PPFIA1: variants seen among roughly 807,000 people sequenced by gnomAD.
PPFIA1 encodes liprin-alpha-1.
Under a neutral mutation model 149.9 loss-of-function variants are expected in PPFIA1, and 25 were observed. The ratio of observed to expected loss-of-function variants is 0.17; its 90% CI spans 0.12 to 0.23. PPFIA1 has a LOEUF of 0.23. Among genes scored for constraint, PPFIA1 ranks in the 10% least tolerant of loss-of-function variants. The pLI is 1.00. For missense variants in PPFIA1, 1,362 were observed against 1,506.5 expected, an observed-to-expected ratio of 0.90 and a Z score of 1.59; for synonymous variants, 549 against 552.8, an observed-to-expected ratio of 0.99 and a Z score of 0.10.
intron 2 of PPFIA1, among the ~76,000 whole-genome samples, chr11:70,305,869 A>G (rs1004938427): frequency 2.0e-5 from 3 of 152,232 alleles, no homozygotes; most frequent in Non-Finnish European, 4.4e-5. Flanking sequence ...TTGAATATCA[A>G]GCTAACTAGT....
At chr11:70,286,105 C>T (rs2051100657) in intron 2 of PPFIA1, among the ~76,000 whole-genome samples, 1 of 152,136 alleles carries the variant, frequency 6.6e-6, no homozygotes, top group African/African-American at 2.4e-5. Context: ...CACTGTGCCT[C>T]GCAGGTGCCT....
At position 70,321,003 on chromosome 11, in the gene PPFIA1, G is replaced by A. The variant is rs116059823; in HGVS notation, c.265-3399G>A. Among the ~76,000 whole-genome samples the A allele has an allele frequency of 1.6e-3, 246 of 152,328 alleles. 1 individual carries two copies. Among genetic ancestry groups the A allele is most frequent in the African/African-American group, 5.7e-3 (236 of 41,570 alleles). ...AGGGCAACAACCACAGAACACTAGT[G>A]CTATGGGCTGAATACTTTTGTGTTC... On this transcript the variant is annotated intron_variant, in intron 2 of 27. Coordinates refer to ENST00000253925, the MANE Select transcript of PPFIA1 (RefSeq NM_003626.5).
chr11:70,362,852 C>A, intron 21 of PPFIA1: 1 of 171,258 alleles, frequency 5.8e-6, no homozygotes, highest in Non-Finnish European at 1.3e-5. Context: ...TCTTGCACTC[C>A]TGGGCTCCAA....
chr11:70,337,621 G>A (rs999346114), intron 12 of PPFIA1, among the ~76,000 whole-genome samples, 194 bp downstream of exon 12: 4 of 152,144 alleles, frequency 2.6e-5, no homozygotes, highest in Non-Finnish European at 4.4e-5. Context: ...GTCTGGCTAT[G>A]CATATGGTTC....
intron 21 of PPFIA1, chr11:70,365,502 T>C: frequency 2.2e-6 from 1 of 448,480 alleles, no homozygotes. Context: ...CTGGGTTCTT[T>C]GCCTTTTTGT....
At chr11:70,327,206 C>T (rs2054351361) in intron 7 of PPFIA1, 1 of 187,618 alleles carries the variant, frequency 5.3e-6, no homozygotes, top group Non-Finnish European at 1.1e-5. Context: ...TTCTGTTGCA[C>T]ACATACTTAG....
intron 5 of PPFIA1, 47 bp from the exon 6 acceptor site, chr11:70,326,215 C>A: frequency 9.2e-7 from 1 of 1,090,194 alleles, no homozygotes; most frequent in South Asian, 1.5e-5. Flanking sequence ...TTACTTATTT[C>A]TCTTATGTAA....
At chr11:70,322,236 G>A (rs1215200488) in intron 2 of PPFIA1, among the ~76,000 whole-genome samples, 1 of 152,218 alleles carries the variant, frequency 6.6e-6, no homozygotes, top group African/African-American at 2.4e-5. Context: ...GCCTGCAAGA[G>A]AAATAATCTT....
At chr11:70,282,833 C>CCT (rs2050852629) in intron 2 of PPFIA1, among the ~76,000 whole-genome samples, 8 of 71,892 alleles carry the variant, frequency 1.1e-4, no homozygotes, top group African/African-American at 4.2e-4. Context: ...CCGTGCCTGG[C>CCT]TTTTTTTTTT....
chr11:70,340,077 C>T (rs2055223165), intron 14 of PPFIA1, among the ~76,000 whole-genome samples: 1 of 151,508 alleles, frequency 6.6e-6, no homozygotes, highest in African/African-American at 2.4e-5. Context: ...TTGGGAGGAT[C>T]GCTTGAAGCC....
intron 14 of PPFIA1, among the ~76,000 whole-genome samples, chr11:70,343,144 C>T (rs906939416): frequency 8.6e-5 from 13 of 152,002 alleles, no homozygotes; most frequent in South Asian, 2.1e-4. Flanking sequence ...GATGGGGTTT[C>T]GCCATGCTGG....
intron 19 of PPFIA1, chr11:70,358,578 G>A (rs759698267): frequency 6.6e-6 from 1 of 152,296 alleles, no homozygotes. Context: ...AAAAAGTATT[G>A]TGTGAATACA....
At chr11:70,293,904 A>C (rs2051705745) in intron 2 of PPFIA1, among the ~76,000 whole-genome samples, 1 of 151,010 alleles carries the variant, frequency 6.6e-6, no homozygotes, top group Admixed American at 6.6e-5. Context: ...CTGATTCTTT[A>C]AATACTCTGT....
At chr11:70,368,952 CTTTTT>C (rs35915106) in intron 21 of PPFIA1, among the ~76,000 whole-genome samples, 2 of 138,376 alleles carry the variant, frequency 1.4e-5, no homozygotes, top group Admixed American at 7.2e-5. Context: ...CACAGTCAGT[CTTTTT>C]TTTTTTTTTT....
In PPFIA1 at chr11:70,355,678, C is replaced by G; in HGVS notation, c.2355C>G (p.Ser785Arg). ...GSQDGPVSNP[S>R]SSNSSQDSLH... ...AGGATGGTCCCGTGAGCAACCCCAG[C>G]AGTAGCAACAGTAGCCAGGACTCGC... Residue 785 changes from serine to arginine, a missense_variant, in exon 18 of 28, where the codon AGC becomes AGG. Ser to Arg is a moderately radical substitution (Grantham distance 110, BLOSUM62 -1). Around this residue, in one of 7 missense-constraint regions of PPFIA1, gnomAD observed 733 missense variants for 744.1 expected, o/e 0.99. Coordinates refer to ENST00000253925, the MANE Select transcript of PPFIA1 (RefSeq NM_003626.5). 6.2e-7 allele frequency: 1 copy of G among 1,613,710 alleles called. No individual in the cohort carries two copies. The highest frequency in any genetic ancestry group is 1.1e-5 in the South Asian group (1 of 91,048).
intron 2 of PPFIA1, among the ~76,000 whole-genome samples, chr11:70,282,078 T>A (rs1461535766): frequency 6.6e-6 from 1 of 152,102 alleles, no homozygotes; most frequent in Admixed American, 6.5e-5. Flanking sequence ...TTGTCCAGTT[T>A]CTAATCAGAA....
rs751483712 is a variant in PPFIA1, at chr11:70,333,487, C to G, written c.1230C>G (p.Gly410=). 2 of 1,613,092 alleles carry G rather than the reference C, an allele frequency of 1.2e-6. No individual in the cohort carries two copies. Among genetic ancestry groups the G allele is most frequent in the South Asian group, 2.2e-5 (2 of 90,696 alleles). The change falls in exon 10 of 28, where the codon GGC becomes GGG. Residue 410 remains glycine (G), a synonymous_variant. Coordinates refer to ENST00000253925, the MANE Select transcript of PPFIA1 (RefSeq NM_003626.5). The part of the protein sequence containing the change: ...AALSKAEERH[G]NIEERLRQME... ...GCTGACAGGCTGAAGAGAGACACGG[C>G]AACATTGAAGAAAGGTTACGACAGA...
intron 2 of PPFIA1, among the ~76,000 whole-genome samples, chr11:70,306,733 G>A (rs974279268): frequency 6.6e-6 from 1 of 152,108 alleles, no homozygotes; most frequent in Non-Finnish European, 1.5e-5. Flanking sequence ...TGTTAGGATA[G>A]GTAAAAGCAG....
intron 2 of PPFIA1, among the ~76,000 whole-genome samples, chr11:70,299,559 C>T (rs2052333509): frequency 6.6e-6 from 1 of 152,152 alleles, no homozygotes; most frequent in South Asian, 2.1e-4. Flanking sequence ...GGTCTTCTTC[C>T]CTTCTGGATG....
Sources: allele counts gnomAD v4.1 joint callset (sites outside exome capture counted in the v4.1 genomes callset), GRCh38; gene constraint gnomAD v4.1.1; regional missense constraint gnomAD v4.1.1; transcripts MANE v1.5; gene names NCBI Gene and HGNC (gene_info 2026-07-23, HGNC 2026-07-21).